TPR: variants seen among roughly 807,000 people sequenced by gnomAD.
TPR encodes translocated promoter region, nuclear basket protein.
TPR carries 51 observed loss-of-function variants against 316.1 expected under a neutral mutation model. That is an observed-to-expected ratio of 0.16 (90% confidence interval 0.13 to 0.20). The LOEUF is 0.20. Among genes scored for constraint, TPR ranks in the 10% least tolerant of loss-of-function variants. The pLI is 1.00. For synonymous variants in TPR, 981 were observed against 914.7 expected (o/e 1.07, Z -1.31); for missense variants, 2,272 against 2,754.8 (o/e 0.82, Z 3.92).
chr1:186,348,263 G>A (rs767128681), intron 21 of TPR, among the ~76,000 whole-genome samples: 19 of 152,054 alleles, frequency 1.2e-4, no homozygotes, highest in South Asian at 2.1e-4. Context: ...ATGAACAGCC[G>A]CTCTGGGAAT....
At position 186,352,040 on chromosome 1, in the gene TPR, CTT is replaced by C. The variant is rs1458024580; in HGVS notation, c.2403_2404del (p.Glu803ValfsTer5). 1 of 1,610,094 alleles carries C rather than the reference CTT, an allele frequency of 6.2e-7. No individual in the cohort carries two copies. The highest frequency in any genetic ancestry group is 8.5e-7 in the Non-Finnish European group (1 of 1,178,586). On this transcript the variant is annotated frameshift_variant, in exon 19 of 51. Coordinates refer to ENST00000367478, the MANE Select transcript of TPR (RefSeq NM_003292.3). LOFTEE classifies it high-confidence loss of function. ...CCTTTGTTCAGCTAACAAAGACTCTCTTTGCTGAGAAAGACGAACTTCAGACA... is the reference window on the plus strand; with the variant it reads ...CCTTTGTTCAGCTAACAAAGACTCTCTGCTGAGAAAGACGAACTTCAGACA...
At chr1:186,332,000 G>A (rs542548267) in intron 38 of TPR, among the ~76,000 whole-genome samples, 195 bp downstream of exon 38, 4 of 152,188 alleles carry the variant, frequency 2.6e-5, no homozygotes, top group East Asian at 3.9e-4. Flanking sequence ...TGCAATTAAA[G>A]ATATGCAAGA....
At chr1:186,318,337 A>C (rs1657670199) in intron 48 of TPR, 110 bp downstream of exon 48, 1 of 1,423,350 alleles carries the variant, frequency 7.0e-7, no homozygotes, top group South Asian at 1.4e-5. Context: ...CAAAAAAAAA[A>C]ACAAAAAAAA....
intron 49 of TPR, 77 bp from the exon 50 acceptor site, chr1:186,314,801 A>AAATG (rs532630036): frequency 3.5e-5 from 29 of 835,762 alleles, no homozygotes; most frequent in Non-Finnish European, 4.5e-5. Context: ...ACTAATTACT[A>AAATG]AATGAATGAA....
chr1:186,357,260 C>T (rs144363040), intron 14 of TPR, 137 bp downstream of exon 14: 6 of 756,956 alleles, frequency 7.9e-6, no homozygotes, highest in African/African-American at 1.8e-5. Flanking sequence ...GTCGTCCAGG[C>T]TGGTCTCGAC....
chr1:186,332,817 A>G (rs1048282583), intron 37 of TPR, among the ~76,000 whole-genome samples: 1 of 152,168 alleles, frequency 6.6e-6, no homozygotes, highest in Non-Finnish European at 1.5e-5. Flanking sequence ...ATGTAAGACC[A>G]GTAAAAAAAA....
At chr1:186,318,365 A>G in intron 48 of TPR, 82 bp downstream of exon 48, 1 of 1,493,066 alleles carries the variant, frequency 6.7e-7, no homozygotes, top group South Asian at 1.3e-5. Flanking sequence ...ACAACTTTGC[A>G]GATTGTTTCT....
At chr1:186,335,024 G>A (rs1314191687) in intron 35 of TPR, 44 bp downstream of exon 35, 2 of 1,575,272 alleles carry the variant, frequency 1.3e-6, no homozygotes, top group South Asian at 1.1e-5. Context: ...TATTCCCTGA[G>A]CTTTAAAAGA....
Position 186,333,227 on chromosome 1 carries a change from G to A in TPR, c.5350C>T (p.Pro1784Ser). 1 of 1,613,664 alleles carries A rather than the reference G, an allele frequency of 6.2e-7. No individual in the cohort carries two copies. The highest frequency in any genetic ancestry group is 1.1e-5 in the South Asian group (1 of 91,076). ...AFVQPTQQSH[P>S]QIEPANQELS... ...TCTTGATTGGCAGGCTCAATCTGAG[G>A]ATGACTCTGTTGAGTGGGTTGCACA... The change falls in exon 37 of 51, where the codon CCT (proline) becomes TCT (serine). Residue 1784 changes from proline (P) to serine (S), a missense_variant. Coordinates refer to ENST00000367478, the MANE Select transcript of TPR (RefSeq NM_003292.3).
chr1:186,350,290 T>C lies in TPR; in HGVS notation c.2709A>G (p.Thr903=). 2.5e-6 allele frequency: 4 copies of C among 1,613,890 alleles called. No individual in the cohort carries two copies. Among genetic ancestry groups the C allele is most frequent in the South Asian group, 2.2e-5 (2 of 91,058 alleles). Residue 903 remains threonine (T), a synonymous_variant, in exon 21 of 51, where the codon ACA becomes ACG. Coordinates refer to ENST00000367478, the MANE Select transcript of TPR (RefSeq NM_003292.3). ...LLKNAQKEIA[T]LKQHLSNMEV... ...CCATATTACTGAGGTGCTGTTTCAA[T>C]GTGGCAATTTCTTTTTGAGCATTTT...
At chr1:186,370,744 G>C (rs1659497304) in intron 3 of TPR, among the ~76,000 whole-genome samples, 1 of 152,032 alleles carries the variant, frequency 6.6e-6, no homozygotes, top group Non-Finnish European at 1.5e-5. Flanking sequence ...CTGGACTACA[G>C]TCAGCATTCA....
intron 1 of TPR, among the ~76,000 whole-genome samples, chr1:186,373,838 TAA>T (rs976436110): frequency 1.3e-5 from 2 of 152,216 alleles, no homozygotes; most frequent in African/African-American, 4.8e-5. Flanking sequence ...TCCTTTGTTT[TAA>T]AAGACTTCTT....
chr1:186,336,749 G>A (rs1356254926), intron 32 of TPR, 55 bp from the exon 33 acceptor site: 2 of 1,524,516 alleles, frequency 1.3e-6, no homozygotes, highest in African/African-American at 1.4e-5. Flanking sequence ...AATATAAACT[G>A]TATGTGGTAG....
rs371725095 is a variant in TPR at position 186,343,286 on chromosome 1, T to G, written c.3750+40A>C. Reference sequence around the variant, plus strand: ...AGAGATATAAATGAGTGCTTCTCTTTTGATTTAACAAGTGCTTTCTTAAAG... The same window carrying G: ...AGAGATATAAATGAGTGCTTCTCTTGTGATTTAACAAGTGCTTTCTTAAAG... On this transcript the variant is annotated intron_variant, in intron 27 of 50. Transcript: ENST00000367478. 8.8e-6 allele frequency: 14 copies of G among 1,583,868 alleles called. No individual in the cohort carries two copies. In the African/African-American group the frequency reaches 1.8e-4, roughly 20 times the overall value.
intron 39 of TPR, among the ~76,000 whole-genome samples, chr1:186,330,294 G>A (rs752804029): frequency 3.9e-5 from 6 of 151,968 alleles, no homozygotes; most frequent in African/African-American, 9.7e-5. Context: ...TGGAACTATC[G>A]GGCAAGTTAT....
chr1:186,318,597 A>C lies in TPR; in HGVS notation c.6671T>G (p.Val2224Gly), dbSNP rs771709832. The C allele has an allele frequency of 5.0e-6, 8 of 1,607,928 alleles. No homozygotes were observed. The Admixed American group carries it at 5.1e-5, about 10-fold the overall frequency. The change falls in exon 48 of 51, where the codon GTA (valine) becomes GGA (glycine). Residue 2224 changes from valine (V) to glycine (G), a missense_variant. Around this residue, in one of 10 missense-constraint regions of TPR, gnomAD observed 88 missense variants for 176.2 expected, o/e 0.50. Transcript: ENST00000367478. Reference sequence around the variant, plus strand: ...ATCAGAGGTGGTGCTCTCAGTAAATACAGTCACTTTAAAAAGACAACACAA... The same window carrying C: ...ATCAGAGGTGGTGCTCTCAGTAAATCCAGTCACTTTAAAAAGACAACACAA... ...TPLQVAAPVT[V>G]FTESTTSDAS...
chr1:186,323,933 C>T (rs1657842376), intron 42 of TPR, 63 bp from the exon 43 acceptor site: 2 of 1,452,544 alleles, frequency 1.4e-6, no homozygotes, highest in Non-Finnish European at 1.8e-6. Flanking sequence ...CTTGGACAAT[C>T]CCTAGAAGTA....
At chr1:186,362,442 G>A in intron 6 of TPR, 62 bp from the exon 7 acceptor site, 1 of 1,321,812 alleles carries the variant, frequency 7.6e-7, no homozygotes, top group South Asian at 1.2e-5. Flanking sequence ...ACTCTGACAT[G>A]AGGTTTATGC....
Position 186,334,382 on chromosome 1 carries a change from G to C in TPR, c.5125C>G (p.Pro1709Ala), listed in dbSNP as rs2102066336. 5 of 1,613,548 alleles carry C rather than the reference G, an allele frequency of 3.1e-6. No homozygotes were observed. The highest frequency in any genetic ancestry group is 4.2e-6 in the Non-Finnish European group (5 of 1,179,708). ...PMVTPATVTN[P>A]TTTPTATVMP... ...ACTGTAGCTGTTGGGGTAGTAGTGG[G>C]ATTTGTAACAGTTGCAGGTGTAACC... Residue 1709 changes from proline to alanine, a missense_variant, in exon 36 of 51, where the codon CCC becomes GCC. Around this residue, in one of 10 missense-constraint regions of TPR, gnomAD observed 109 missense variants for 215.3 expected, o/e 0.51. Transcript: ENST00000367478.
Sources: allele counts gnomAD v4.1 joint callset (sites outside exome capture counted in the v4.1 genomes callset), GRCh38; gene constraint gnomAD v4.1.1; regional missense constraint gnomAD v4.1.1; transcripts MANE v1.5; gene names NCBI Gene and HGNC (gene_info 2026-07-23, HGNC 2026-07-21).